Variants in ZP3 observed in about 807,000 individuals in gnomAD.
The protein encoded by ZP3 is zona pellucida sperm-binding protein 3.
ZP3 carries 21 observed loss-of-function variants against 35.6 expected under a neutral mutation model. The observed-to-expected ratio is 0.59, with a 90% CI of 0.42 to 0.85. ZP3 has a LOEUF of 0.85. ZP3 is among the 40% of genes least tolerant of loss of function. The pLI, the probability that ZP3 is intolerant of heterozygous loss-of-function variation, is 0.00. For synonymous variants in ZP3, 207 were observed against 214.5 expected (o/e 0.96, Z 0.31); for missense variants, 437 against 536.5 (o/e 0.81, Z 1.83).
rs547068243 is a variant in ZP3 at position 76,397,850 on chromosome 7, G to A, written c.-67+53G>A. The A allele has an allele frequency of 2.3e-5, 35 of 1,517,750 alleles. No homozygotes were observed. The African/African-American group carries it at 2.9e-4, about 13-fold the overall frequency. The allele number at this position is 1,517,750 out of a possible 1,614,324, so 94.0% of individuals were successfully genotyped here. ...GCCCTCACCTGGGGATGGGGGCGGG[G>A]GTCAGGGCGCATCTCCCACTGGCCT... On this transcript the variant is annotated intron_variant, in intron 1 of 8. Coordinates refer to the ZP3 transcript ENST00000336517.
At chr7:76,436,030 C>CCCT (rs1805991993) in intron 5 of ZP3, among the ~76,000 whole-genome samples, 1 of 74,244 alleles carries the variant, frequency 1.3e-5, no homozygotes, top group African/African-American at 5.1e-5. Context: ...CCCCCGCCCC[C>CCCT]TTTTTTTTTT....
chr7:76,426,858 C>T (rs1243871200), intron 1 of ZP3, among the ~76,000 whole-genome samples: 2 of 91,960 alleles, frequency 2.2e-5, no homozygotes, highest in Non-Finnish European at 5.0e-5. Context: ...AATGAGACCC[C>T]CTTCTCTACC....
chr7:76,413,437 AT>A (rs200182707), intron 1 of ZP3, among the ~76,000 whole-genome samples: 8 of 147,250 alleles, frequency 5.4e-5, no homozygotes, highest in South Asian at 4.3e-4. Context: ...TAATTTCTGT[AT>A]TTTTTTTTAG....
At chr7:76,433,733 C>A in intron 4 of ZP3, 86 bp downstream of exon 4, 2 of 1,395,494 alleles carry the variant, frequency 1.4e-6, no homozygotes, top group Non-Finnish European at 2.0e-6. Context: ...CAGTGTCACT[C>A]TGTAACCCAG....
At chr7:76,421,050 C>G (rs942540637), upstream of ZP3, among the ~76,000 whole-genome samples, 3 of 152,002 alleles carry the variant, frequency 2.0e-5, no homozygotes, top group Non-Finnish European at 4.4e-5. Flanking sequence ...ATTCTCTTGC[C>G]TCAGCCTCCT....
intron 1 of ZP3, chr7:76,398,646 T>C (rs1804717453): frequency 4.7e-6 from 7 of 1,479,012 alleles, no homozygotes; most frequent in Non-Finnish European, 6.6e-6. Flanking sequence ...ATCCCTGTCT[T>C]CCCACTGCCT....
Position 76,425,215 on chromosome 7 carries a change from T to C in ZP3, c.251T>C (p.Met84Thr), listed in dbSNP as rs574417097. ...GAGGCCTGTGAGCCTCTGGTCTCCA[T>C]GGACACAGAAGATGTGGTCAGGTTT... ...GPEACEPLVS[M>T]DTEDVVRFEV... is the part of the protein sequence containing the mutation. The change falls in exon 1 of 8, where the codon ATG becomes ACG. Residue 84 changes from methionine to threonine, a missense_variant. Physicochemically the swap from Met to Thr is moderately conservative, Grantham distance 81. Transcript: ENST00000394857. The C allele has an allele frequency of 6.2e-7, 1 of 1,613,870 alleles. No individual in the cohort carries two copies. Among genetic ancestry groups the C allele is most frequent in the Non-Finnish European group, 8.5e-7 (1 of 1,179,994 alleles).
At chr7:76,406,844 G>A (rs932885833) in intron 1 of ZP3, among the ~76,000 whole-genome samples, 26 of 151,472 alleles carry the variant, frequency 1.7e-4, no homozygotes, top group African/African-American at 5.1e-4. Flanking sequence ...TGTAAGCAGC[G>A]TTTAGTCTCT....
intron 1 of ZP3, among the ~76,000 whole-genome samples, chr7:76,403,347 C>CTTTTTTTTATTTT: frequency 6.7e-6 from 1 of 149,532 alleles, no homozygotes; most frequent in Non-Finnish European, 1.5e-5. Context: ...GACTCCACTT[C>CTTTTTTTTATTTT]TTTTTTTTGA....
chr7:76,433,217 G>A (rs533396486), intron 3 of ZP3, among the ~76,000 whole-genome samples, 187 bp downstream of exon 3: 27 of 137,504 alleles, frequency 2.0e-4, no homozygotes, highest in African/African-American at 6.8e-4. Flanking sequence ...GCAGTGGCAC[G>A]ATCTCAGCTC....
At chr7:76,420,556 T>G (rs1365877626), upstream of ZP3, among the ~76,000 whole-genome samples, 1 of 152,158 alleles carries the variant, frequency 6.6e-6, no homozygotes, top group African/African-American at 2.4e-5. Flanking sequence ...GCCAATACAG[T>G]TTTGTTAATT....
chr7:76,419,558 G>A (rs943628420), intron 1 of ZP3, among the ~76,000 whole-genome samples: 1 of 151,932 alleles, frequency 6.6e-6, no homozygotes, highest in Non-Finnish European at 1.5e-5. Flanking sequence ...TCTATAATAT[G>A]TTTTTATATC....
At chr7:76,419,680 G>A (rs1031741295) in intron 1 of ZP3, among the ~76,000 whole-genome samples, 6 of 88,328 alleles carry the variant, frequency 6.8e-5, no homozygotes, top group East Asian at 3.1e-4. Flanking sequence ...TCTTTCTTTC[G>A]TTCTCTTTCT....
intron 5 of ZP3, among the ~76,000 whole-genome samples, chr7:76,436,039 T>TCCC (rs1805994559): frequency 1.6e-4 from 3 of 19,030 alleles, no homozygotes; most frequent in African/African-American, 5.6e-4. Flanking sequence ...CCTTTTTTTT[T>TCCC]TTTTTTTTTT....
intron 1 of ZP3, among the ~76,000 whole-genome samples, chr7:76,426,907 C>CACACACAAAA (rs57796274): frequency 8.7e-5 from 11 of 126,938 alleles, no homozygotes; most frequent in Non-Finnish European, 1.3e-4. Flanking sequence ...CACACACACA[C>CACACACAAAA]AATAGGGTGT....
chr7:76,411,229 A>C (rs1010688749), intron 1 of ZP3, among the ~76,000 whole-genome samples: 1 of 151,746 alleles, frequency 6.6e-6, no homozygotes, highest in African/African-American at 2.4e-5. Context: ...GCTCCTTCCC[A>C]ATCAGATTTT....
At chr7:76,425,967 C>A (rs1363292322) in intron 1 of ZP3, among the ~76,000 whole-genome samples, 1 of 151,930 alleles carries the variant, frequency 6.6e-6, no homozygotes, top group Non-Finnish European at 1.5e-5. Context: ...TCTGTAATCC[C>A]AGCTACTCAG....
chr7:76,411,605 C>A (rs188889662), intron 1 of ZP3, among the ~76,000 whole-genome samples: 1 of 151,872 alleles, frequency 6.6e-6, no homozygotes, highest in Non-Finnish European at 1.5e-5. Context: ...GTTATTGCCA[C>A]CCACCTATGA....
upstream of ZP3, among the ~76,000 whole-genome samples, chr7:76,421,493 A>G (rs527407888): frequency 1.3e-5 from 2 of 152,008 alleles, no homozygotes; most frequent in Admixed American, 1.3e-4. Flanking sequence ...GGCTCAAGCA[A>G]TCCTCCCACC....
Sources: allele counts gnomAD v4.1 joint callset (sites outside exome capture counted in the v4.1 genomes callset), GRCh38; gene constraint gnomAD v4.1.1; transcripts MANE v1.5; gene names NCBI Gene and HGNC (gene_info 2026-07-23, HGNC 2026-07-21).